The following NREP variants were observed in gnomAD, a reference collection of about 807,000 sequenced individuals.
NREP encodes the protein neuronal regeneration related protein.
In NREP, 5 loss-of-function variants were observed where a neutral mutation model predicts 8.6. The observed-to-expected ratio is 0.58, with a 90% CI of 0.30 to 1.22. The LOEUF (loss-of-function observed/expected upper bound fraction) is 1.22. Ranked by LOEUF, NREP falls within the 50% of genes most tolerant of loss-of-function variation. The pLI is 0.07. For missense variants in NREP, 86 were observed against 82.5 expected (o/e 1.04, Z -0.17); for synonymous variants, 27 against 28.0 (o/e 0.96, Z 0.11).
chr5:111,920,099 C>A (rs2112578742), intron 2 of NREP, among the ~76,000 whole-genome samples: 1 of 151,788 alleles, frequency 6.6e-6, no homozygotes, highest in Non-Finnish European at 1.5e-5. Flanking sequence ...CATGCCTGAG[C>A]CTACTCACCC....
At chr5:111,885,227 T>G (rs1228321815) in intron 2 of NREP, among the ~76,000 whole-genome samples, 34 of 151,688 alleles carry the variant, frequency 2.2e-4, no homozygotes, top group Admixed American at 1.8e-3. Flanking sequence ...CATTCACAAT[T>G]GCTTCAAAGA....
chr5:111,846,014 C>T lies in NREP; in HGVS notation c.136-110507G>A, dbSNP rs115397450. 629 of 155,014 alleles carry T rather than the reference C, an allele frequency of 4.1e-3. 3 individuals carry two copies. Among genetic ancestry groups the T allele is most frequent in the African/African-American group, 0.014 (577 of 41,530 alleles). The allele number at this position is 155,014 out of a possible 1,614,324, so 9.6% of individuals were successfully genotyped here. Reference sequence around the variant, plus strand: ...CACCAGCTAGAATATTAAGCTGCTACCCAAGACAGTCAAAGTCTCCCGTAA... The same window carrying T: ...CACCAGCTAGAATATTAAGCTGCTATCCAAGACAGTCAAAGTCTCCCGTAA... On this transcript the variant is annotated intron_variant, in intron 2 of 3. Transcript: ENST00000395634.
chr5:111,840,278 AT>A (rs1223178258), intron 2 of NREP, among the ~76,000 whole-genome samples: 1 of 151,728 alleles, frequency 6.6e-6, no homozygotes, highest in Non-Finnish European at 1.5e-5. Flanking sequence ...TATGCTCGGG[AT>A]TTTTTTGGTG....
chr5:111,889,593 A>G (rs1369630364), intron 2 of NREP, among the ~76,000 whole-genome samples: 3 of 152,184 alleles, frequency 2.0e-5, no homozygotes, highest in Non-Finnish European at 4.4e-5. Context: ...CATTAACTCA[A>G]AAGTCCCAAG....
In NREP at chr5:111,901,485, C is replaced by A. The variant is rs552276662; in HGVS notation, c.135+73789G>T. On this transcript the variant is annotated intron_variant, in intron 2 of 3. Transcript: ENST00000395634. The stretch of plus-strand genomic sequence containing the variant: ...ACTGGAAGTCCTAGACACAGCCAGG[C>A]AAGAGGAAAAAATAATTGAAAAAGA... Among the ~76,000 whole-genome samples the A allele has an allele frequency of 2.0e-5, 3 of 151,980 alleles. No homozygotes were observed. In the South Asian group the frequency reaches 6.3e-4, roughly 32 times the overall value.
chr5:111,841,206 A>G (rs932497699), intron 2 of NREP, among the ~76,000 whole-genome samples: 8 of 152,172 alleles, frequency 5.3e-5, no homozygotes, highest in African/African-American at 1.9e-4. Context: ...GAAGAACTAT[A>G]TAAAACATGC....
At chr5:111,755,961 TAAC>T (rs1750678618) in intron 1 of NREP, 131 bp from the exon 2 acceptor site, 1 of 1,460,488 alleles carries the variant, frequency 6.8e-7, no homozygotes. Context: ...AAATTATTGT[TAAC>T]TACTGGGATT....
intron 2 of NREP, among the ~76,000 whole-genome samples, chr5:111,743,259 G>A (rs1749795293): frequency 6.9e-6 from 1 of 144,260 alleles, no homozygotes; most frequent in African/African-American, 2.6e-5. Flanking sequence ...GCTCTCTTTA[G>A]TGAAGAAAAA....
At chr5:111,782,279 A>G (rs1406300989) in intron 2 of NREP, among the ~76,000 whole-genome samples, 1 of 152,202 alleles carries the variant, frequency 6.6e-6, no homozygotes, top group Non-Finnish European at 1.5e-5. Context: ...TCTGCAGTAT[A>G]TGGAACTGGC....
chr5:111,804,968 T>C (rs1752107645), intron 2 of NREP, among the ~76,000 whole-genome samples: 1 of 151,692 alleles, frequency 6.6e-6, no homozygotes, highest in Non-Finnish European at 1.5e-5. Flanking sequence ...GCCACTGCAC[T>C]CTAGCCTGGG....
At chr5:111,753,097 T>C (rs546203387) in intron 2 of NREP, among the ~76,000 whole-genome samples, 1 of 151,722 alleles carries the variant, frequency 6.6e-6, no homozygotes, top group East Asian at 1.9e-4. Context: ...GAGAGGCATA[T>C]TTACTAGAAA....
At chr5:111,758,034 G>T (rs1175684175), upstream of NREP, 1 of 985,386 alleles carries the variant, frequency 1.0e-6, no homozygotes, top group East Asian at 1.1e-4. Flanking sequence ...AGCAGAAAAT[G>T]GTGCCTGCGG....
intron 2 of NREP, among the ~76,000 whole-genome samples, chr5:111,765,319 C>T (rs891569847): frequency 5.3e-5 from 8 of 152,168 alleles, no homozygotes; most frequent in African/African-American, 9.7e-5. Context: ...ACTTACCTCC[C>T]GCTGTATGGC....
intron 2 of NREP, among the ~76,000 whole-genome samples, chr5:111,742,419 T>C (rs1191729080): frequency 6.6e-6 from 1 of 152,132 alleles, no homozygotes; most frequent in East Asian, 1.9e-4. Flanking sequence ...GAAATCTCCT[T>C]GCTGGCAACA....
At chr5:111,911,167 G>A (rs1459816303) in intron 2 of NREP, among the ~76,000 whole-genome samples, 1 of 151,740 alleles carries the variant, frequency 6.6e-6, no homozygotes, top group Non-Finnish European at 1.5e-5. Context: ...CCAGTGTTCT[G>A]GATATCACCC....
chr5:111,742,014 A>G (rs1056133014), intron 2 of NREP, among the ~76,000 whole-genome samples: 1 of 152,160 alleles, frequency 6.6e-6, no homozygotes, highest in Admixed American at 6.5e-5. Context: ...ATTGCCTGGT[A>G]AGTCCTTAAC....
At chr5:111,758,299 C>A (rs1423542070), upstream of NREP, 1 of 975,408 alleles carries the variant, frequency 1.0e-6, no homozygotes, top group Non-Finnish European at 1.2e-6. Context: ...AGACATACTC[C>A]CCTGGTGCTT....
At chr5:111,966,974 AAAGAGACATCTGGCCCCC>A (rs1429953383) in intron 2 of NREP, among the ~76,000 whole-genome samples, 1 of 152,220 alleles carries the variant, frequency 6.6e-6, no homozygotes, top group East Asian at 1.9e-4. Flanking sequence ...GCTTCTCAAC[AAAGAGACATCTGGCCCCC>A]AAGAGACATC....
chr5:111,894,397 G>T (rs1754460939), intron 2 of NREP, among the ~76,000 whole-genome samples: 1 of 151,766 alleles, frequency 6.6e-6, no homozygotes, highest in South Asian at 2.1e-4. Flanking sequence ...TGTGGTTAAG[G>T]CTCAGAATAA....
Sources: gnomAD v4.1 joint callset for allele counts (sites outside exome capture counted in the v4.1 genomes callset) on GRCh38, gnomAD v4.1.1 for gene constraint, MANE v1.5 for transcripts, NCBI Gene and HGNC (gene_info 2026-07-23, HGNC 2026-07-21) for gene names.